Variants in ZNF469 observed in about 807,000 individuals in gnomAD.
ZNF469 encodes zinc finger protein 469.
ZNF469 carries 1 observed loss-of-function variant against 1.0 expected under a neutral mutation model. That is an observed-to-expected ratio of 1.00 (90% CI 0.35 to 4.73). The LOEUF (loss-of-function observed/expected upper bound fraction) is 4.73, where lower values mean the gene tolerates loss of function less well. Ranked by LOEUF, ZNF469 falls within the 30% of genes most tolerant of loss-of-function variation. The pLI, the probability that ZNF469 is intolerant of heterozygous loss-of-function variation, is 0.16. For missense variants in ZNF469, 6,100 were observed against 5,356.3 expected (o/e 1.14, Z -4.33); for synonymous variants, 2,703 against 2,363.4 (o/e 1.14, Z -4.17).
the ZNF469 span, among the ~76,000 whole-genome samples, chr16:88,164,911 T>A: frequency 6.6e-6 from 1 of 152,170 alleles, no homozygotes; most frequent in African/African-American, 2.4e-5. Flanking sequence ...TGAGCGTGCT[T>A]TCCAAATTGG....
the ZNF469 span, among the ~76,000 whole-genome samples, chr16:88,247,616 TTGATTGAA>T: frequency 2.5e-5 from 2 of 78,476 alleles, no homozygotes; most frequent in South Asian, 7.1e-4. Context: ...GAGTGAATGT[TTGATTGAA>T]TGAGTGAGAG....
chr16:88,316,460 A>G, the ZNF469 span, among the ~76,000 whole-genome samples: 1 of 150,950 alleles, frequency 6.6e-6, no homozygotes, highest in Non-Finnish European at 1.5e-5. Context: ...TCTGACATGC[A>G]GACACCCCGA....
At position 88,431,115 on chromosome 16, in the gene ZNF469, C is replaced by T. The variant is rs914966546; in HGVS notation, c.3645C>T (p.Thr1215=). 1.9e-6 allele frequency: 3 copies of T among 1,550,304 alleles called. No individual in the cohort carries two copies. The highest frequency in any genetic ancestry group is 1.2e-5 in the South Asian group (1 of 84,052). The change falls in exon 3 of 3, where the codon ACC becomes ACT. Residue 1215 remains threonine (T), a synonymous_variant. Transcript: ENST00000565624. The part of the protein sequence containing the change: ...VPTNTETSEE[T]RPSLDFPQEA... ...CCAACACCGAGACCTCAGAGGAAAC[C>T]CGCCCGTCGCTGGACTTTCCCCAGG...
At chr16:88,409,466 G>C (rs1273015828) in intron 1 of ZNF469, among the ~76,000 whole-genome samples, 1 of 151,886 alleles carries the variant, frequency 6.6e-6, no homozygotes, top group East Asian at 1.9e-4. Flanking sequence ...CTGCATCCTC[G>C]GGGCAGCAGC....
the ZNF469 span, among the ~76,000 whole-genome samples, chr16:88,275,825 C>G: frequency 7.2e-5 from 11 of 152,254 alleles, no homozygotes; most frequent in African/African-American, 2.6e-4. Flanking sequence ...GGGGATAAGA[C>G]CCCCCCAGGA....
chr16:88,348,132 C>A, the ZNF469 span, among the ~76,000 whole-genome samples: 1 of 152,230 alleles, frequency 6.6e-6, no homozygotes, highest in Non-Finnish European at 1.5e-5. Context: ...TGTGTGCGTC[C>A]CCTGGGGCTT....
At chr16:88,292,541 G>C in the ZNF469 span, among the ~76,000 whole-genome samples, 6 of 152,126 alleles carry the variant, frequency 3.9e-5, no homozygotes, top group African/African-American at 1.2e-4. Flanking sequence ...TGTGACGCAC[G>C]TGGGGAAGGG....
intron 1 of ZNF469, among the ~76,000 whole-genome samples, chr16:88,401,576 TG>T (rs1904862238): frequency 1.1e-5 from 1 of 91,712 alleles, no homozygotes; most frequent in Non-Finnish European, 2.4e-5. Flanking sequence ...GATGGATACA[TG>T]GGTGGATGAA....
the ZNF469 span, among the ~76,000 whole-genome samples, chr16:88,335,921 G>C: frequency 6.6e-6 from 1 of 151,358 alleles, no homozygotes; most frequent in Non-Finnish European, 1.5e-5. Flanking sequence ...TACCATGCAC[G>C]TTCATCCTTC....
the ZNF469 span, among the ~76,000 whole-genome samples, chr16:88,214,086 T>C: frequency 6.6e-6 from 1 of 152,192 alleles, no homozygotes; most frequent in African/African-American, 2.4e-5. Flanking sequence ...ACAACCCCTG[T>C]CCTCTCTTCG....
the ZNF469 span, among the ~76,000 whole-genome samples, chr16:88,127,038 G>C: frequency 6.6e-6 from 1 of 152,190 alleles, no homozygotes; most frequent in African/African-American, 2.4e-5. Flanking sequence ...GGCCAGGCTG[G>C]TCTCGAACTC....
At chr16:88,134,097 C>CAATG in the ZNF469 span, among the ~76,000 whole-genome samples, 88,320 of 150,662 alleles carry the variant, frequency 0.59, 28,667 homozygotes, top group Non-Finnish European at 0.75. Context: ...GTCTCTGTCT[C>CAATG]AATGAATGAA....
the ZNF469 span, among the ~76,000 whole-genome samples, chr16:88,256,950 CTTTTCTTTT>C: frequency 9.6e-5 from 2 of 20,914 alleles, no homozygotes; most frequent in Admixed American, 6.6e-4. Flanking sequence ...TTCTTTCTTT[CTTTTCTTTT>C]CTTTCGTTGA....
chr16:88,289,416 GATT>G, the ZNF469 span, among the ~76,000 whole-genome samples: 2 of 146,870 alleles, frequency 1.4e-5, no homozygotes, highest in African/African-American at 5.2e-5. Flanking sequence ...TGATGATGAT[GATT>G]ATTATGACAA....
chr16:88,221,479 G>A, the ZNF469 span, among the ~76,000 whole-genome samples: 3 of 152,194 alleles, frequency 2.0e-5, no homozygotes, highest in African/African-American at 7.2e-5. Flanking sequence ...CCTTGTAGAC[G>A]AGCAAGAATG....
At chr16:88,158,802 TG>T in the ZNF469 span, among the ~76,000 whole-genome samples, 1 of 152,182 alleles carries the variant, frequency 6.6e-6, no homozygotes, top group East Asian at 1.9e-4. Context: ...GACTGGGGTC[TG>T]GGGGGCACCG....
chr16:88,219,466 A>T, the ZNF469 span, among the ~76,000 whole-genome samples: 4 of 142,930 alleles, frequency 2.8e-5, no homozygotes, highest in Non-Finnish European at 6.1e-5. Context: ...ATAACGCCGC[A>T]TATCTACAAC....
chr16:88,152,264 G>A, the ZNF469 span, among the ~76,000 whole-genome samples: 5 of 152,226 alleles, frequency 3.3e-5, no homozygotes, highest in Admixed American at 6.5e-5. This position sits in a 1 kb window ranked among gnomAD's most constrained non-coding sequence, Gnocchi z 4.2. Flanking sequence ...TGGCCCTAAC[G>A]CGTAACCCTC....
the ZNF469 span, among the ~76,000 whole-genome samples, chr16:88,101,394 A>G: frequency 1.3e-5 from 2 of 152,208 alleles, no homozygotes; most frequent in African/African-American, 2.4e-5. Context: ...GTCCTCCCCA[A>G]TTAATGATTT....
Sources: gnomAD v4.1 joint callset for allele counts (sites outside exome capture counted in the v4.1 genomes callset) on GRCh38, gnomAD v4.1.1 for gene constraint, Gnocchi (gnomAD v3.1) non-coding constraint, MANE v1.5 for transcripts, NCBI Gene and HGNC (gene_info 2026-07-23, HGNC 2026-07-21) for gene names.